The following OR10A2 variants were observed in gnomAD, a reference collection of about 807,000 sequenced individuals.
OR10A2 encodes the protein olfactory receptor family 10 subfamily A member 2.
Under a neutral mutation model 13.7 loss-of-function variants are expected in OR10A2, and 15 were observed. The observed-to-expected ratio is 1.10, with a 90% CI of 0.73 to 1.69. OR10A2 has a LOEUF of 1.69. OR10A2 is among the 40% of genes most tolerant of loss of function. The pLI is 0.00. For synonymous variants in OR10A2, 145 were observed against 144.7 expected (o/e 1.00, Z -0.02); for missense variants, 343 against 361.1 (o/e 0.95, Z 0.41).
chr11:6,872,766 G>C lies in OR10A2; in HGVS notation c.*2100G>C, dbSNP rs1334349915. The C allele has an allele frequency of 6.6e-6, 1 of 152,004 alleles. No individual in the cohort carries two copies. The highest frequency in any genetic ancestry group is 1.5e-5 in the Non-Finnish European group (1 of 68,340). The allele number at this position is 152,004 out of a possible 1,614,324, so 9.4% of individuals were successfully genotyped here. A position where few individuals can be genotyped will look rare whatever the true frequency, so the allele number is the denominator to read the frequency against. On this transcript the variant is annotated 3_prime_UTR_variant, in exon 2 of 2. Coordinates refer to ENST00000641461, the MANE Select transcript of OR10A2 (RefSeq NM_001004460.2). Reference sequence around the variant, plus strand: ...ACCTCTCAAAGTGCTGGGATTATAAGTGTGAGCCATTGCATGCAACACAAG... The same window carrying C: ...ACCTCTCAAAGTGCTGGGATTATAACTGTGAGCCATTGCATGCAACACAAG...
At chr11:6,868,921 G>A (rs563387535) in intron 1 of OR10A2, among the ~76,000 whole-genome samples, 9 of 152,258 alleles carry the variant, frequency 5.9e-5, no homozygotes, top group Non-Finnish European at 1.0e-4. Flanking sequence ...GTTGGTTCTC[G>A]TGCTTATCTT....
In OR10A2 at chr11:6,863,358, C is replaced by CA. The variant is rs1848355275; in HGVS notation, c.-133+7_-133+8insA. 2.2e-5 allele frequency: 2 copies of CA among 89,290 alleles called. No homozygotes were observed. The highest frequency in any genetic ancestry group is 9.7e-5 in the African/African-American group (2 of 20,590). 5.5% of individuals were successfully genotyped at this position (89,290 alleles called of 1,614,324 possible). ...ATGTTCCTGTTGGACACAGGTAAGC[C>CA]TTTTTTTTTTTTTTTTTTTTTTTTT... On this transcript the variant is annotated splice_region_variant and intron_variant, in intron 1 of 1. Transcript: ENST00000641461.
intron 1 of OR10A2, among the ~76,000 whole-genome samples, chr11:6,863,959 G>A (rs1387439679): frequency 6.6e-6 from 1 of 152,184 alleles, no homozygotes; most frequent in Non-Finnish European, 1.5e-5. Context: ...AACATTATAA[G>A]ATTTTTTTCC....
In OR10A2 at chr11:6,870,347, G is replaced by A; in HGVS notation, c.593G>A (p.Cys198Tyr). 6 of 1,614,114 alleles carry A rather than the reference G, an allele frequency of 3.7e-6. No homozygotes were observed. The highest frequency in any genetic ancestry group is 1.3e-5 in the African/African-American group (1 of 75,012). Residue 198 changes from cysteine (C) to tyrosine (Y), a missense_variant, in exon 2 of 2, where the codon TGC (cysteine) becomes TAC (tyrosine). Physicochemically the swap from Cys to Tyr is radical, Grantham distance 194. Coordinates refer to ENST00000641461, the MANE Select transcript of OR10A2 (RefSeq NM_001004460.2). ...ACCATTCTGGTGGTCATGATCCCCT[G>A]CTTGCTGATCTTGTGTTCCTATACT... is the stretch of plus-strand genomic sequence containing the variant. ...VGTILVVMIP[C>Y]LLILCSYTHI...
At position 6,870,782 on chromosome 11, in the gene OR10A2, C is replaced by CT; in HGVS notation, c.*120dup. The CT allele has an allele frequency of 1.1e-6, 1 of 895,348 alleles. No individual in the cohort carries two copies. Among genetic ancestry groups the CT allele is most frequent in the Non-Finnish European group, 1.7e-6 (1 of 592,992 alleles). The allele number at this position is 895,348 out of a possible 1,614,324, so 55.5% of individuals were successfully genotyped here. ...AGATGAAGTCCTGTTGCTGAAATGG[C>CT]TTTTGGAAAGCTGAGTGGAGAGAAA... On this transcript the variant is annotated 3_prime_UTR_variant, in exon 2 of 2. Coordinates refer to ENST00000641461, the MANE Select transcript of OR10A2 (RefSeq NM_001004460.2).
chr11:6,864,021 C>A (rs1170016591), intron 1 of OR10A2, among the ~76,000 whole-genome samples: 1 of 152,024 alleles, frequency 6.6e-6, no homozygotes, highest in Non-Finnish European at 1.5e-5. Flanking sequence ...TTACGCGTGA[C>A]CAAGAAATTT....
chr11:6,870,538 T>C lies in OR10A2; in HGVS notation c.784T>C (p.Ser262Pro), dbSNP rs767948926. The C allele has an allele frequency of 3.7e-6, 6 of 1,614,136 alleles. No homozygotes were observed. The highest frequency in any genetic ancestry group is 4.2e-6 in the Non-Finnish European group (5 of 1,179,962). ...NNSPEGKKLL[S>P]LSYTVMTPML... The stretch of plus-strand genomic sequence containing the variant: ...TTCACCTGAGGGCAAGAAGCTGCTA[T>C]CATTGTCCTACACTGTTATGACTCC... The change falls in exon 2 of 2, where the codon TCA (serine) becomes CCA (proline). Residue 262 changes from serine (S) to proline (P), a missense_variant. Ser to Pro is a moderately conservative substitution (Grantham distance 74). Transcript: ENST00000641461.
intron 1 of OR10A2, 71 bp downstream of exon 1, chr11:6,863,422 G>A (rs1263086012): frequency 1.6e-5 from 2 of 125,410 alleles, no homozygotes; most frequent in Non-Finnish European, 3.1e-5. Context: ...CACTCTCCAA[G>A]TTCAGTTACT....
At position 6,874,048 on chromosome 11, in the gene OR10A2, G is replaced by A. The variant is rs1289451474; in HGVS notation, c.*3382G>A. The A allele has an allele frequency of 6.6e-6, 1 of 152,252 alleles. No homozygotes were observed. Among genetic ancestry groups the A allele is most frequent in the Non-Finnish European group, 1.5e-5 (1 of 68,054 alleles). The allele number at this position is 152,252 out of a possible 1,614,324, so 9.4% of individuals were successfully genotyped here. ...TACTGAAATGGGGTATCTACAAAGA[G>A]GAGGTTTGAGGTGGAGGAAGCAGAC... On this transcript the variant is annotated 3_prime_UTR_variant, in exon 2 of 2. Transcript: ENST00000641461.
At chr11:6,864,101 G>A (rs1459415118) in intron 1 of OR10A2, among the ~76,000 whole-genome samples, 5 of 152,172 alleles carry the variant, frequency 3.3e-5, no homozygotes, top group South Asian at 2.1e-4. Flanking sequence ...TGGCAAGAAC[G>A]CTGTGGGCTG....
rs11041070 is a variant in OR10A2 at position 6,872,894 on chromosome 11, A to T, written c.*2228A>T. ...GGGTGCAATGGCACAATCTTGGCTC[A>T]CTGCAACTTCTGCCTTCTGGGTTCA... On this transcript the variant is annotated 3_prime_UTR_variant, in exon 2 of 2. Coordinates refer to ENST00000641461, the MANE Select transcript of OR10A2 (RefSeq NM_001004460.2). 1 of 148,176 alleles carries T rather than the reference A, an allele frequency of 6.7e-6. No individual in the cohort carries two copies. The highest frequency in any genetic ancestry group is 2.0e-4 in the East Asian group (1 of 5,058). The allele number at this position is 148,176 out of a possible 1,614,324, so 9.2% of individuals were successfully genotyped here.
intron 1 of OR10A2, among the ~76,000 whole-genome samples, chr11:6,866,008 T>C (rs190973261): frequency 6.6e-6 from 1 of 152,212 alleles, no homozygotes; most frequent in Admixed American, 6.5e-5. Context: ...GTAAGTGGAA[T>C]AATAAAATAT....
At position 6,872,343 on chromosome 11, in the gene OR10A2, C is replaced by T. The variant is rs547454293; in HGVS notation, c.*1677C>T. ...CAGAAATCACTCTTTCTGTATGCAC[C>T]CATTTCAAGTTTATTAATAAATACA... On this transcript the variant is annotated 3_prime_UTR_variant, in exon 2 of 2. Transcript: ENST00000641461. The T allele has an allele frequency of 6.6e-5, 10 of 152,222 alleles. No individual in the cohort carries two copies. The highest frequency in any genetic ancestry group is 2.4e-4 in the African/African-American group (10 of 41,546). The allele number at this position is 152,222 out of a possible 1,614,324, so 9.4% of individuals were successfully genotyped here.
At chr11:6,864,149 C>A (rs1015346591) in intron 1 of OR10A2, among the ~76,000 whole-genome samples, 2 of 152,176 alleles carry the variant, frequency 1.3e-5, no homozygotes, top group African/African-American at 4.8e-5. Context: ...CTCTCCCACA[C>A]TGGAGACGGG....
Position 6,870,918 on chromosome 11 carries a change from G to T in OR10A2, c.*252G>T. On this transcript the variant is annotated 3_prime_UTR_variant, in exon 2 of 2. Transcript: ENST00000641461. ...TTTCAACTGGTATGACAGCACTTCT[G>T]TGGCCAACTATTTCCAGGTGTTATA... is the stretch of plus-strand genomic sequence containing the variant. The T allele has an allele frequency of 3.0e-6, 1 of 334,676 alleles. No individual in the cohort carries two copies. Among genetic ancestry groups the T allele is most frequent in the East Asian group, 4.8e-5 (1 of 20,630 alleles). 20.7% of individuals were successfully genotyped at this position (334,676 alleles called of 1,614,324 possible). A position where few individuals can be genotyped will look rare whatever the true frequency, so the allele number is the denominator to read the frequency against.
At position 6,870,713 on chromosome 11, in the gene OR10A2, C is replaced by A; in HGVS notation, c.*47C>A. 1.4e-6 allele frequency: 2 copies of A among 1,383,020 alleles called. No homozygotes were observed. The highest frequency in any genetic ancestry group is 1.4e-5 in the South Asian group (1 of 70,196). The allele number at this position is 1,383,020 out of a possible 1,614,324, so 85.7% of individuals were successfully genotyped here. A position where few individuals can be genotyped will look rare whatever the true frequency, so the allele number is the denominator to read the frequency against. On this transcript the variant is annotated 3_prime_UTR_variant, in exon 2 of 2. Coordinates refer to ENST00000641461, the MANE Select transcript of OR10A2 (RefSeq NM_001004460.2). The stretch of plus-strand genomic sequence containing the variant: ...TTTTACTGGATGAGAAACAATCAGT[C>A]CCAGATTTGAGATTCCTCTCTGCAT...
chr11:6,874,342 C>T lies in OR10A2; in HGVS notation c.*3676C>T, dbSNP rs1270171378. 1 of 152,194 alleles carries T rather than the reference C, an allele frequency of 6.6e-6. No individual in the cohort carries two copies. The highest frequency in any genetic ancestry group is 1.5e-5 in the Non-Finnish European group (1 of 68,032). 9.4% of individuals were successfully genotyped at this position (152,194 alleles called of 1,614,324 possible). On this transcript the variant is annotated 3_prime_UTR_variant, in exon 2 of 2. Coordinates refer to ENST00000641461, the MANE Select transcript of OR10A2 (RefSeq NM_001004460.2). ...TCTATTTCAAGGAGCATGTCATCTA[C>T]TGTATGAGACAAATACATACAATAA...
At position 6,870,474 on chromosome 11, in the gene OR10A2, A is replaced by G. The variant is rs759997753; in HGVS notation, c.720A>G (p.Ile240Met). ...SHLLVVSLFYISLSLTYFRPK... is the reference protein window; with the variant it reads ...SHLLVVSLFYMSLSLTYFRPK... ...TCCTTGTTGTCTCTCTTTTCTATAT[A>G]TCATTAAGCCTCACCTACTTCCGGC... Residue 240 changes from isoleucine (I) to methionine (M), a missense_variant, in exon 2 of 2, where the codon ATA (isoleucine) becomes ATG (methionine). Coordinates refer to ENST00000641461, the MANE Select transcript of OR10A2 (RefSeq NM_001004460.2). 3.7e-5 allele frequency: 60 copies of G among 1,613,976 alleles called. No homozygotes were observed. Among genetic ancestry groups the G allele is most frequent in the Non-Finnish European group, 4.5e-5 (53 of 1,180,008 alleles).
At chr11:6,863,515 C>T (rs1053304173) in intron 1 of OR10A2, among the ~76,000 whole-genome samples, 164 bp downstream of exon 1, 2 of 151,924 alleles carry the variant, frequency 1.3e-5, no homozygotes, top group African/African-American at 4.8e-5. Context: ...GTTCCTCTCT[C>T]CTTGGGCATC....
Sources: allele counts gnomAD v4.1 joint callset (sites outside exome capture counted in the v4.1 genomes callset), GRCh38; gene constraint gnomAD v4.1.1; transcripts MANE v1.5; gene names NCBI Gene and HGNC (gene_info 2026-07-23, HGNC 2026-07-21).